Variants in NEK11 observed in about 807,000 individuals in gnomAD.
The protein encoded by NEK11 is NIMA related kinase 11.
In NEK11, 72 loss-of-function variants were observed where a neutral mutation model predicts 80.7. The observed-to-expected ratio is 0.89, with a 90% confidence interval of 0.74 to 1.08. The LOEUF (loss-of-function observed/expected upper bound fraction) is 1.08, where lower values mean the gene tolerates loss of function less well. NEK11 is among the 50% of genes least tolerant of loss of function. The probability of loss-of-function intolerance (pLI) is 0.00; values close to 1 mark genes in which losing one functional copy is unlikely to be tolerated. For missense variants in NEK11, 764 were observed against 763.6 expected (o/e 1.00, Z -0.01); for synonymous variants, 251 against 260.7 (o/e 0.96, Z 0.36).
intron 4 of NEK11, among the ~76,000 whole-genome samples, chr3:131,096,718 A>T (rs532653540): frequency 4.0e-4 from 60 of 151,446 alleles, no homozygotes; most frequent in South Asian, 2.7e-3. Context: ...ATTTTAATTT[A>T]ATTTAATTTA....
At chr3:131,072,848 G>T (rs2073657923) in intron 3 of NEK11, among the ~76,000 whole-genome samples, 1 of 152,164 alleles carries the variant, frequency 6.6e-6, no homozygotes, top group Admixed American at 6.5e-5. Flanking sequence ...GGGGGGAAAT[G>T]GCTGTCATGT....
intron 3 of NEK11, among the ~76,000 whole-genome samples, chr3:131,070,470 T>C (rs1037083457): frequency 2.0e-5 from 3 of 152,148 alleles, no homozygotes; most frequent in Admixed American, 1.3e-4. Context: ...GTATGATGTC[T>C]TTTCCCAAAC....
At chr3:131,193,680 T>A (rs2093888881) in intron 14 of NEK11, among the ~76,000 whole-genome samples, 1 of 152,222 alleles carries the variant, frequency 6.6e-6, no homozygotes, top group Non-Finnish European at 1.5e-5. Flanking sequence ...ACATTCTTAC[T>A]GAGATTATGC....
Position 131,218,048 on chromosome 3 carries a change from A to G in NEK11, c.1400-10480A>G, listed in dbSNP as rs1448447437. On this transcript the variant is annotated intron_variant, in intron 14 of 17. Transcript: ENST00000383366. Reference sequence around the variant, plus strand: ...GCTCTATTATTTTCTTGAAGGTCTGAGGATTAAAGTTATAATATTAAAGAA... The same window carrying G: ...GCTCTATTATTTTCTTGAAGGTCTGGGGATTAAAGTTATAATATTAAAGAA... Among the ~76,000 whole-genome samples the G allele has an allele frequency of 2.0e-5, 3 of 152,214 alleles. No individual in the cohort carries two copies. In the East Asian group the frequency reaches 5.8e-4, roughly 29 times the overall value.
intron 3 of NEK11, 110 bp from the exon 4 acceptor site, chr3:131,080,313 T>G (rs1193537719): frequency 1.3e-6 from 1 of 757,216 alleles, no homozygotes; most frequent in Non-Finnish European, 2.1e-6. Context: ...ATACCAGATA[T>G]ATGAGTAGGT....
intron 14 of NEK11, among the ~76,000 whole-genome samples, chr3:131,203,595 A>G (rs1291487472): frequency 6.7e-6 from 1 of 150,102 alleles, no homozygotes; most frequent in African/African-American, 2.4e-5. Flanking sequence ...AAAAAAAGAA[A>G]CTTGGCTTCA....
chr3:131,243,603 A>G (rs2108118665), intron 16 of NEK11, 107 bp downstream of exon 16: 1 of 920,658 alleles, frequency 1.1e-6, no homozygotes, highest in Middle Eastern at 2.2e-4. Flanking sequence ...TTAGTATAAC[A>G]GATGAAGAAA....
At chr3:131,238,234 T>A (rs1417991941) in intron 15 of NEK11, among the ~76,000 whole-genome samples, 1 of 152,192 alleles carries the variant, frequency 6.6e-6, no homozygotes, top group Non-Finnish European at 1.5e-5. Context: ...ATCCCCTCTT[T>A]CCTCTCCTAC....
intron 5 of NEK11, among the ~76,000 whole-genome samples, chr3:131,110,917 A>G (rs2080026346): frequency 6.6e-6 from 1 of 152,202 alleles, no homozygotes; most frequent in Non-Finnish European, 1.5e-5. Context: ...ATGATGTCAA[A>G]CTATCTTTAG....
intron 17 of NEK11, among the ~76,000 whole-genome samples, chr3:131,296,285 T>A (rs2096592472): frequency 6.6e-6 from 1 of 152,158 alleles, no homozygotes; most frequent in African/African-American, 2.4e-5. Context: ...AAAATATATG[T>A]ACACACACAC....
At chr3:131,064,464 A>G (rs946244509) in intron 3 of NEK11, among the ~76,000 whole-genome samples, 1 of 151,996 alleles carries the variant, frequency 6.6e-6, no homozygotes, top group African/African-American at 2.4e-5. Flanking sequence ...CAACACTTAT[A>G]TAGGATTAGG....
intron 16 of NEK11, among the ~76,000 whole-genome samples, chr3:131,254,033 G>C (rs1428180952): frequency 6.6e-6 from 1 of 152,126 alleles, no homozygotes; most frequent in East Asian, 1.9e-4. Context: ...CAAGGTAGCA[G>C]ACATGTAGCA....
At chr3:131,266,519 G>A (rs890489800) in intron 16 of NEK11, among the ~76,000 whole-genome samples, 2 of 152,200 alleles carry the variant, frequency 1.3e-5, no homozygotes, top group Non-Finnish European at 1.5e-5. Context: ...TGTGGTTTGA[G>A]TGAGTTTCTT....
At chr3:131,225,352 A>G (rs193286988) in intron 14 of NEK11, among the ~76,000 whole-genome samples, 1 of 152,318 alleles carries the variant, frequency 6.6e-6, no homozygotes, top group Admixed American at 6.5e-5. Flanking sequence ...GTTTGTAATA[A>G]GTACACTCTA....
intron 17 of NEK11, among the ~76,000 whole-genome samples, chr3:131,314,525 C>G (rs2096816716): frequency 6.6e-6 from 1 of 152,126 alleles, no homozygotes; most frequent in African/African-American, 2.4e-5. Context: ...TTAGCACTTC[C>G]TATTGGCAGA....
chr3:131,187,154 A>G (rs897798188), intron 14 of NEK11, among the ~76,000 whole-genome samples: 1 of 152,148 alleles, frequency 6.6e-6, no homozygotes, highest in Non-Finnish European at 1.5e-5. Flanking sequence ...CACTAGCCAC[A>G]TGTGGTTACT....
chr3:131,121,159 G>A (rs1281167890), intron 5 of NEK11, among the ~76,000 whole-genome samples: 1 of 152,138 alleles, frequency 6.6e-6, no homozygotes, highest in Admixed American at 6.6e-5. Flanking sequence ...GTACAGATGG[G>A]GTTTTGGTGT....
At chr3:131,280,395 C>G (rs944873834) in intron 17 of NEK11, among the ~76,000 whole-genome samples, 4 of 151,888 alleles carry the variant, frequency 2.6e-5, no homozygotes, top group Admixed American at 2.0e-4. Flanking sequence ...TTTTTTCCCT[C>G]TCTGTCTGTC....
At chr3:131,272,664 C>G (rs937965944) in intron 16 of NEK11, among the ~76,000 whole-genome samples, 1 of 151,482 alleles carries the variant, frequency 6.6e-6, no homozygotes, top group African/African-American at 2.4e-5. Context: ...TTAGTAGAGA[C>G]GAGGTTTCAC....
Sources: gnomAD v4.1 joint callset for allele counts (sites outside exome capture counted in the v4.1 genomes callset) on GRCh38, gnomAD v4.1.1 for gene constraint, MANE v1.5 for transcripts, NCBI Gene and HGNC (gene_info 2026-07-23, HGNC 2026-07-21) for gene names.